CEP72: variants seen among roughly 807,000 people sequenced by gnomAD.
CEP72 encodes the protein centrosomal protein 72, also known as centrosomal protein of 72 kDa.
A neutral mutation model predicts 65.7 loss-of-function variants in CEP72; 78 were observed. The ratio of observed to expected loss-of-function variants is 1.19; its 90% CI spans 0.99 to 1.43. CEP72 has a LOEUF of 1.43. CEP72 is among the 40% of genes most tolerant of loss of function. The probability of loss-of-function intolerance (pLI) is 0.00; values close to 1 mark genes in which losing one functional copy is unlikely to be tolerated. For missense variants in CEP72, 914 were observed against 832.9 expected, an observed-to-expected ratio of 1.10 and a Z score of -1.20; for synonymous variants, 358 against 351.7, an observed-to-expected ratio of 1.02 and a Z score of -0.20.
chr5:660,195 T>C (rs1739525356), downstream of CEP72: 1 of 136,776 alleles, frequency 7.3e-6, no homozygotes, highest in African/African-American at 2.9e-5. Flanking sequence ...AGTGTAAAAA[T>C]ATATTGCACA....
At chr5:675,121 A>ACAGTGTGGCCAGGGGTG in the CEP72 span, among the ~76,000 whole-genome samples, 96 of 24,820 alleles carry the variant, frequency 3.9e-3, 1 homozygote, top group Non-Finnish European at 4.9e-3. Flanking sequence ...CACGGGGGGT[A>ACAGTGTGGCCAGGGGTG]CAGTGTGGCC....
downstream of CEP72, chr5:655,506 AC>A (rs1739351774): frequency 6.6e-6 from 1 of 152,086 alleles, no homozygotes; most frequent in Non-Finnish European, 1.5e-5. This position sits in a 1 kb window ranked among gnomAD's most constrained non-coding sequence, Gnocchi z 5.0. Flanking sequence ...CGCAGGCCCG[AC>A]TGCTAGTTGT....
the CEP72 span, among the ~76,000 whole-genome samples, chr5:672,616 G>A: frequency 6.6e-6 from 1 of 152,222 alleles, no homozygotes; most frequent in Non-Finnish European, 1.5e-5. Context: ...TGGGGAGGCA[G>A]CAGCTGAGCC....
At chr5:671,854 G>A (rs1231726531), downstream of CEP72, among the ~76,000 whole-genome samples, 3 of 152,232 alleles carry the variant, frequency 2.0e-5, no homozygotes, top group East Asian at 1.9e-4. Context: ...GCAATGGAGG[G>A]ACAGGGTTGG....
chr5:642,601 G>C (rs891956709), intron 9 of CEP72: 1 of 985,384 alleles, frequency 1.0e-6, no homozygotes, highest in African/African-American at 1.7e-5. Flanking sequence ...AGCTGTGGCT[G>C]CCGTGGACGC....
intron 11 of CEP72, among the ~76,000 whole-genome samples, chr5:648,244 G>C (rs1738555702): frequency 1.3e-5 from 2 of 148,918 alleles, no homozygotes; most frequent in Admixed American, 1.3e-4. Context: ...ATGGGGTGTG[G>C]GCTGTGAGGT....
intron 4 of CEP72, among the ~76,000 whole-genome samples, chr5:625,816 C>T (rs560973858): frequency 3.9e-5 from 6 of 152,298 alleles, no homozygotes; most frequent in Non-Finnish European, 8.8e-5. Flanking sequence ...TCCCTCCAGC[C>T]CTGCTCTCAC....
At chr5:626,221 T>C (rs1420778817) in intron 4 of CEP72, among the ~76,000 whole-genome samples, 1 of 152,196 alleles carries the variant, frequency 6.6e-6, no homozygotes, top group East Asian at 1.9e-4. Context: ...ATACCTTTTA[T>C]TTCCTTTTCT....
intron 11 of CEP72, among the ~76,000 whole-genome samples, chr5:648,441 A>G (rs1207597667): frequency 2.1e-5 from 3 of 139,900 alleles, no homozygotes; most frequent in Non-Finnish European, 3.0e-5. Flanking sequence ...TGAGGTATCA[A>G]CCCTGAGTGT....
intron 1 of CEP72, among the ~76,000 whole-genome samples, chr5:616,083 C>G (rs1735971677): frequency 6.6e-6 from 1 of 152,066 alleles, no homozygotes; most frequent in South Asian, 2.1e-4. Flanking sequence ...ACATATTTAT[C>G]TGCATGTTTA....
At chr5:636,427 T>G (rs928239757) in intron 6 of CEP72, among the ~76,000 whole-genome samples, 1 of 152,228 alleles carries the variant, frequency 6.6e-6, no homozygotes, top group Non-Finnish European at 1.5e-5. Flanking sequence ...ATAGCTACAT[T>G]TTGAAAATCA....
the CEP72 span, among the ~76,000 whole-genome samples, chr5:673,531 C>T: frequency 6.6e-6 from 1 of 152,174 alleles, no homozygotes; most frequent in South Asian, 2.1e-4. Flanking sequence ...ACCTGAGCTG[C>T]TGCCCGCAGG....
chr5:618,887 AT>A (rs1290152156), intron 1 of CEP72, 102 bp from the exon 2 acceptor site: 7 of 885,320 alleles, frequency 7.9e-6, no homozygotes, highest in Non-Finnish European at 1.2e-5. Context: ...TAAACCAAGA[AT>A]CTGTGTCAGT....
the CEP72 span, among the ~76,000 whole-genome samples, chr5:673,178 G>A: frequency 3.9e-5 from 6 of 152,152 alleles, no homozygotes; most frequent in East Asian, 5.8e-4. Context: ...CAGGCCCGCC[G>A]CCACCACCCC....
At chr5:616,303 T>C (rs1444563883) in intron 1 of CEP72, among the ~76,000 whole-genome samples, 2 of 152,236 alleles carry the variant, frequency 1.3e-5, no homozygotes, top group Non-Finnish European at 2.9e-5. Context: ...TGTATTTTTC[T>C]TTGAAATTTC....
intron 9 of CEP72, chr5:642,805 A>C: frequency 4.1e-6 from 4 of 985,424 alleles, no homozygotes; most frequent in Non-Finnish European, 4.8e-6. Context: ...GCTGGTGGGC[A>C]CTGCTTTCCA....
intron 10 of CEP72, among the ~76,000 whole-genome samples, chr5:646,303 G>C (rs4957081): frequency 0.13 from 20,463 of 152,144 alleles, 1,757 homozygotes; most frequent in Admixed American, 0.19. Flanking sequence ...TATGACTTAC[G>C]TTGTTTTTTC....
intron 4 of CEP72, among the ~76,000 whole-genome samples, chr5:631,451 A>C (rs375883633): frequency 2.8e-5 from 1 of 36,114 alleles, no homozygotes; most frequent in African/African-American, 1.6e-4. Context: ...CGGGATTTGG[A>C]CCAGTCCTGG....
chr5:664,951 A>G, intron 2 of CEP72: 1 of 828,450 alleles, frequency 1.2e-6, no homozygotes, highest in Non-Finnish European at 1.9e-6. Flanking sequence ...GAGGAGGGGC[A>G]GGAGGGAGGC....
Sources: gnomAD v4.1 joint callset for allele counts (sites outside exome capture counted in the v4.1 genomes callset) on GRCh38, gnomAD v4.1.1 for gene constraint, Gnocchi (gnomAD v3.1) non-coding constraint, MANE v1.5 for transcripts, NCBI Gene and HGNC (gene_info 2026-07-23, HGNC 2026-07-21) for gene names.